Variants in BMP7 observed in about 807,000 individuals in gnomAD.
BMP7 encodes the protein osteogenic protein 1.
BMP7 carries 12 observed loss-of-function variants against 41.2 expected under a neutral mutation model. The observed-to-expected ratio is 0.29, with a 90% CI of 0.19 to 0.47. The LOEUF is 0.47. BMP7 is among the 20% of genes least tolerant of loss of function. BMP7 has a pLI of 0.99. For synonymous variants in BMP7, 248 were observed against 250.0 expected, an observed-to-expected ratio of 0.99 and a Z score of 0.07; for missense variants, 467 against 606.0, an observed-to-expected ratio of 0.77 and a Z score of 2.41.
intron 1 of BMP7, among the ~76,000 whole-genome samples, chr20:57,249,153 A>G (rs2066102110): frequency 6.6e-6 from 1 of 152,030 alleles, no homozygotes; most frequent in Non-Finnish European, 1.5e-5. Flanking sequence ...AGAAGCAGGT[A>G]GTGGCCATTA....
intron 4 of BMP7, among the ~76,000 whole-genome samples, chr20:57,175,939 C>T (rs1258057582): frequency 1.5e-4 from 23 of 152,212 alleles, no homozygotes; most frequent in Admixed American, 1.5e-3. Flanking sequence ...ATGCCCCTCC[C>T]TGCAATCTTT....
At chr20:57,207,018 C>T (rs1984747737) in intron 2 of BMP7, among the ~76,000 whole-genome samples, 1 of 152,226 alleles carries the variant, frequency 6.6e-6, no homozygotes, top group Non-Finnish European at 1.5e-5. Flanking sequence ...AATTCCTTGT[C>T]TCTGTATGCA....
At chr20:57,180,628 C>A (rs1368080020) in intron 4 of BMP7, among the ~76,000 whole-genome samples, 2 of 152,172 alleles carry the variant, frequency 1.3e-5, no homozygotes, top group East Asian at 3.9e-4. Context: ...GAATCCTAGC[C>A]TTCAAGAGTC....
At chr20:57,241,272 C>T (rs939200231) in intron 1 of BMP7, among the ~76,000 whole-genome samples, 2 of 152,200 alleles carry the variant, frequency 1.3e-5, no homozygotes, top group African/African-American at 4.8e-5. Context: ...GCTCTTGGCA[C>T]ACTCGATGCA....
rs1568702842 is a variant in BMP7 at position 57,176,792 on chromosome 20, C to CG, written c.959-1786_959-1785insC. On this transcript the variant is annotated intron_variant, in intron 4 of 6. Transcript: ENST00000395863. The stretch of plus-strand genomic sequence containing the variant: ...CACACACACACACACACACACACAC[C>CG]TGTTAACTGTTTGAATGCATGGCTC... Among the ~76,000 whole-genome samples the CG allele has an allele frequency of 3.0e-4, 16 of 52,780 alleles. No homozygotes were observed. In the East Asian group the frequency reaches 0.013, roughly 43 times the overall value. 34.6% of individuals were successfully genotyped at this position (52,780 alleles called of 152,430 possible).
intron 5 of BMP7, 118 bp from the exon 6 acceptor site, chr20:57,173,428 A>C: frequency 1.0e-6 from 1 of 987,534 alleles, no homozygotes; most frequent in Non-Finnish European, 1.6e-6. Context: ...GAAGCCTCAG[A>C]CCATGCCTTC....
chr20:57,246,098 T>A (rs1244589231), intron 1 of BMP7, among the ~76,000 whole-genome samples: 1 of 152,248 alleles, frequency 6.6e-6, no homozygotes, highest in Admixed American at 6.5e-5. Flanking sequence ...ACACACTGGT[T>A]ACCCTGTGTG....
rs551989651 is a variant in BMP7 at position 57,176,696 on chromosome 20, C to A, written c.959-1689G>T. On this transcript the variant is annotated intron_variant, in intron 4 of 6. Transcript: ENST00000395863. ...GTTCATGGCAGTTTCATATTTTCTT[C>A]TTCTTCTTCTAGCCCACTTGTTAGG... 1.4e-4 allele frequency among the ~76,000 whole-genome samples: 21 copies of A among 149,370 alleles called. No individual in the cohort carries two copies. The East Asian group carries it at 3.1e-3, about 22-fold the overall frequency.
At chr20:57,220,412 T>C (rs1319382880) in intron 2 of BMP7, among the ~76,000 whole-genome samples, 1 of 152,238 alleles carries the variant, frequency 6.6e-6, no homozygotes, top group Non-Finnish European at 1.5e-5. Context: ...ATTAATTCTC[T>C]TTGTCTCCTG....
chr20:57,201,827 T>C (rs1833883121), intron 3 of BMP7, among the ~76,000 whole-genome samples: 1 of 152,192 alleles, frequency 6.6e-6, no homozygotes, highest in African/African-American at 2.4e-5. Flanking sequence ...CCATCCTTCC[T>C]TCTTCCCTTC....
chr20:57,211,338 C>A (rs932566511), intron 2 of BMP7, among the ~76,000 whole-genome samples: 1 of 152,198 alleles, frequency 6.6e-6, no homozygotes, highest in African/African-American at 2.4e-5. Context: ...AGAGGTTACT[C>A]GAAGCACAGA....
At chr20:57,250,248 T>C (rs571416062) in intron 1 of BMP7, among the ~76,000 whole-genome samples, 2 of 150,626 alleles carry the variant, frequency 1.3e-5, no homozygotes, top group African/African-American at 4.9e-5. Flanking sequence ...CTAGGCAACA[T>C]GGTGAAACCC....
Position 57,170,715 on chromosome 20 carries a change from G to GTT in BMP7, c.*242_*243dup. On this transcript the variant is annotated 3_prime_UTR_variant, in exon 7 of 7. Coordinates refer to ENST00000395863, the MANE Select transcript of BMP7 (RefSeq NM_001719.3). ...GCCCGGCCATTTTTCTTTATGCGTTGTTTTTTTTTCCTGCTAGGTTTTGCC... is the reference window on the plus strand; with the variant it reads ...GCCCGGCCATTTTTCTTTATGCGTTGTTTTTTTTTTTCCTGCTAGGTTTTGCC... 6.1e-6 allele frequency: 3 copies of GTT among 493,558 alleles called. No individual in the cohort carries two copies. The highest frequency in any genetic ancestry group is 1.1e-5 in the Non-Finnish European group (3 of 276,644). 30.6% of individuals were successfully genotyped at this position (493,558 alleles called of 1,614,324 possible).
chr20:57,175,050 A>G (rs1182926543), intron 4 of BMP7, 43 bp from the exon 5 acceptor site: 1 of 1,570,758 alleles, frequency 6.4e-7, no homozygotes, highest in Non-Finnish European at 8.7e-7. Flanking sequence ...CAGTGAGGAG[A>G]AAGAAACACA....
rs2066174822 is a variant in BMP7, at chr20:57,265,803, T to C, written c.320A>G (p.Tyr107Cys). The C allele has an allele frequency of 1.2e-6, 2 of 1,609,090 alleles. No homozygotes were observed. The highest frequency in any genetic ancestry group is 1.7e-6 in the Non-Finnish European group (2 of 1,178,178). Reference sequence around the variant, plus strand: ...GCCCTGGGTACTGAAGACGGCCTTGTAGGGGTAGGAGAAGCCCTGGCCGCC... The same window carrying C: ...GCCCTGGGTACTGAAGACGGCCTTGCAGGGGTAGGAGAAGCCCTGGCCGCC... ...GPGGQGFSYP[Y>C]KAVFSTQGPP... Residue 107 changes from tyrosine (Y) to cysteine (C), a missense_variant, in exon 1 of 7, where the codon TAC becomes TGC. Coordinates refer to ENST00000395863, the MANE Select transcript of BMP7 (RefSeq NM_001719.3).
chr20:57,262,781 A>T (rs2146033977), intron 1 of BMP7, among the ~76,000 whole-genome samples: 1 of 152,334 alleles, frequency 6.6e-6, no homozygotes, highest in Non-Finnish European at 1.5e-5. Context: ...TGTGCAAGTG[A>T]TATTTTCTCA....
chr20:57,265,535 G>A (rs1206284548), intron 1 of BMP7, among the ~76,000 whole-genome samples, 170 bp downstream of exon 1: 1 of 152,254 alleles, frequency 6.6e-6, no homozygotes, highest in African/African-American at 2.4e-5. Flanking sequence ...ACCTGGGGGC[G>A]CACACAGCTT....
In BMP7 at chr20:57,266,016, T is replaced by G; in HGVS notation, c.107A>C (p.Glu36Ala). ...CCGGTGGATGAAGCTCGAGTGCACCTCGTTGTCCAGGCTGAAGTCGGCCAG... is the reference window on the plus strand; with the variant it reads ...CCGGTGGATGAAGCTCGAGTGCACCGCGTTGTCCAGGCTGAAGTCGGCCAG... ...SALADFSLDN[E>A]VHSSFIHRRL... Residue 36 changes from glutamate (E) to alanine (A), a missense_variant, in exon 1 of 7, where the codon GAG becomes GCG. Glu to Ala is a moderately radical substitution (Grantham distance 107, BLOSUM62 -1). Coordinates refer to ENST00000395863, the MANE Select transcript of BMP7 (RefSeq NM_001719.3). 7 of 1,548,678 alleles carry G rather than the reference T, an allele frequency of 4.5e-6. No individual in the cohort carries two copies. The highest frequency in any genetic ancestry group is 6.1e-6 in the Non-Finnish European group (7 of 1,146,916).
At chr20:57,222,955 C>T (rs933947479) in intron 2 of BMP7, among the ~76,000 whole-genome samples, 16 of 151,986 alleles carry the variant, frequency 1.1e-4, no homozygotes, top group African/African-American at 3.9e-4. Context: ...GTCTGGACTA[C>T]ACTTTGGGCT....
Sources: allele counts gnomAD v4.1 joint callset (sites outside exome capture counted in the v4.1 genomes callset), GRCh38; gene constraint gnomAD v4.1.1; transcripts MANE v1.5; gene names NCBI Gene and HGNC (gene_info 2026-07-23, HGNC 2026-07-21).